Variants in HMGB2 observed in about 807,000 individuals in gnomAD.
HMGB2 encodes high mobility group box 2.
HMGB2 carries 2 observed loss-of-function variants against 23.0 expected under a neutral mutation model. The ratio of observed to expected loss-of-function variants is 0.09; its 90% CI spans 0.04 to 0.27. HMGB2 has a LOEUF of 0.27. Among genes scored for constraint, HMGB2 ranks in the 10% least tolerant of loss-of-function variants. The pLI, the probability that HMGB2 is intolerant of heterozygous loss-of-function variation, is 1.00. For synonymous variants in HMGB2, 99 were observed against 87.5 expected (o/e 1.13, Z -0.73); for missense variants, 178 against 256.5 (o/e 0.69, Z 2.09).
rs370312460 is a variant in HMGB2 at position 173,332,717 on chromosome 4, T to C, written c.471+104A>G. 3.0e-3 allele frequency: 3,078 copies of C among 1,035,630 alleles called. 22 individuals carry two copies. Among genetic ancestry groups the C allele is most frequent in the South Asian group, 0.013 (817 of 64,162 alleles). The allele number at this position is 1,035,630 out of a possible 1,614,324, so 64.2% of individuals were successfully genotyped here. A position where few individuals can be genotyped will look rare whatever the true frequency, so the allele number is the denominator to read the frequency against. ...ATTTTCATTAGGCCTTTTCAAAACA[T>C]AGCTGACAACCATTAATACAAGATT... On this transcript the variant is annotated intron_variant, in intron 4 of 4. Coordinates refer to ENST00000296503, the MANE Select transcript of HMGB2 (RefSeq NM_002129.4).
chr4:173,333,693 G>C lies in HMGB2; in HGVS notation c.-20-24C>G, dbSNP rs781521003. The C allele has an allele frequency of 6.5e-7, 1 of 1,547,596 alleles. No homozygotes were observed. Among genetic ancestry groups the C allele is most frequent in the South Asian group, 1.2e-5 (1 of 85,476 alleles). ...ACCTGACGGGGCCGAGGGGGGAGAG[G>C]GGAAGCCGGAGGGTCGGCGCGGAGC... On this transcript the variant is annotated intron_variant, in intron 1 of 4. Coordinates refer to ENST00000296503, the MANE Select transcript of HMGB2 (RefSeq NM_002129.4). This position sits in a 1 kb window ranked among gnomAD's most constrained non-coding sequence, Gnocchi z 4.6.
At chr4:173,332,323 T>A in intron 4 of HMGB2, 85 bp from the exon 5 acceptor site, 2 of 1,039,006 alleles carry the variant, frequency 1.9e-6, no homozygotes, top group Non-Finnish European at 2.8e-6. Context: ...CTAAGATGAT[T>A]GACCAATAAC....
chr4:173,333,196 TCTC>T lies in HMGB2; in HGVS notation c.166_168del (p.Glu56del), dbSNP rs746984191. 2 of 1,613,846 alleles carry T rather than the reference TCTC, an allele frequency of 1.2e-6. No homozygotes were observed. Among genetic ancestry groups the T allele is most frequent in the South Asian group, 1.1e-5 (1 of 91,060 alleles). ...TTTGCCATATCTTCAAACTTCGACT[TCTC>T]CTTTGCAGACATGGTCTGTGGACAT... On this transcript the variant is annotated inframe_deletion, in exon 3 of 5. Coordinates refer to ENST00000296503, the MANE Select transcript of HMGB2 (RefSeq NM_002129.4). The surrounding 1 kb of genome is among the most constrained non-coding windows in gnomAD (Gnocchi z 4.6).
Position 173,332,154 on chromosome 4 carries a change from C to G in HMGB2, c.556G>C (p.Glu186Gln). Reference sequence around the variant, plus strand: ...TCCTCCTCCTCCTCATCTTCTGGTTCGTTCTTCTTCTTTGAGCCTGTTGGC... The same window carrying G: ...TCCTCCTCCTCCTCATCTTCTGGTTGGTTCTTCTTCTTTGAGCCTGTTGGC... The part of the protein sequence containing the change: ...GRPTGSKKKN[E>Q]PEDEEEEEEE... Residue 186 changes from glutamate (E) to glutamine (Q), a missense_variant, in exon 5 of 5, where the codon GAA becomes CAA. Coordinates refer to ENST00000296503, the MANE Select transcript of HMGB2 (RefSeq NM_002129.4). The G allele has an allele frequency of 6.2e-7, 1 of 1,613,380 alleles. No homozygotes were observed. Among genetic ancestry groups the G allele is most frequent in the Non-Finnish European group, 8.5e-7 (1 of 1,179,456 alleles).
At position 173,333,847 on chromosome 4, in the gene HMGB2, C is replaced by G. The variant is rs963728093; in HGVS notation, c.-20-178G>C. 1.3e-5 allele frequency among the ~76,000 whole-genome samples: 2 copies of G among 151,474 alleles called. No homozygotes were observed. The highest frequency in any genetic ancestry group is 2.9e-5 in the Non-Finnish European group (2 of 67,814). On this transcript the variant is annotated intron_variant, in intron 1 of 4. Transcript: ENST00000296503. This position sits in a 1 kb window ranked among gnomAD's most constrained non-coding sequence, Gnocchi z 4.6. Reference sequence around the variant, plus strand: ...GCCGCCCGCGCCCCCGCCCGCGCCCCGGCGCACACCCTCCTCCTCCTCCTC... The same window carrying G: ...GCCGCCCGCGCCCCCGCCCGCGCCCGGGCGCACACCCTCCTCCTCCTCCTC...
Position 173,333,295 on chromosome 4 carries a change from G to T in HMGB2, c.151-81C>A. On this transcript the variant is annotated intron_variant, in intron 2 of 4. Coordinates refer to ENST00000296503, the MANE Select transcript of HMGB2 (RefSeq NM_002129.4). This position sits in a 1 kb window ranked among gnomAD's most constrained non-coding sequence, Gnocchi z 4.6. ...CAAAGACGACAAGATCATCTTTAAGGACCACATTTTCCTTAACAGCATTTT... is the reference window on the plus strand; with the variant it reads ...CAAAGACGACAAGATCATCTTTAAGTACCACATTTTCCTTAACAGCATTTT... 1 of 1,488,724 alleles carries T rather than the reference G, an allele frequency of 6.7e-7. No homozygotes were observed. The highest frequency in any genetic ancestry group is 9.1e-7 in the Non-Finnish European group (1 of 1,099,316). 92.2% of individuals were successfully genotyped at this position (1,488,724 alleles called of 1,614,324 possible).
Position 173,332,923 on chromosome 4 carries a change from C to T in HMGB2, c.369G>A (p.Gly123=), listed in dbSNP as rs1578934501. The change falls in exon 4 of 5, where the codon GGG becomes GGA. Residue 123 remains glycine, a synonymous_variant. Transcript: ENST00000296503. The part of the protein sequence containing the change: ...IKSEHPGLSI[G]DTAKKLGEMW... ...TTTCACCCAATTTCTTTGCAGTATC[C>T]CCAATGGATAGGCCAGGGTGTTCAC... The T allele has an allele frequency of 1.2e-6, 2 of 1,614,112 alleles. No homozygotes were observed. Among genetic ancestry groups the T allele is most frequent in the Non-Finnish European group, 1.7e-6 (2 of 1,180,022 alleles).
chr4:173,332,657 A>ATT (rs1362856240), intron 4 of HMGB2, 164 bp downstream of exon 4: 3 of 653,462 alleles, frequency 4.6e-6, no homozygotes, highest in Non-Finnish European at 8.1e-6. Context: ...TTCAGTCAAA[A>ATT]GGAAGGTTTC....
At position 173,333,229 on chromosome 4, in the gene HMGB2, T is replaced by C. The variant is rs764527345; in HGVS notation, c.151-15A>G. ...GCAGACATGGTCTGTGGACATAAAA[T>C]AAGAGCCAAAAATACAGCAAAATTG... On this transcript the variant is annotated splice_polypyrimidine_tract_variant and intron_variant, in intron 2 of 4. Transcript: ENST00000296503. This position sits in a 1 kb window ranked among gnomAD's most constrained non-coding sequence, Gnocchi z 4.6. 5.0e-6 allele frequency: 8 copies of C among 1,603,088 alleles called. No individual in the cohort carries two copies. In the African/African-American group the frequency reaches 9.5e-5, roughly 19 times the overall value.
rs758411528 is a variant in HMGB2 at position 173,333,605 on chromosome 4, C to G, written c.45G>C (p.Ser15=). The change falls in exon 2 of 5, where the codon TCG becomes TCC. Residue 15 remains serine, a synonymous_variant. Transcript: ENST00000296503. This position sits in a 1 kb window ranked among gnomAD's most constrained non-coding sequence, Gnocchi z 4.6. ...GGCAGGTCTGCACGAAGAAGGCGTA[C>G]GAGGACATTTTGCCCCGCGGCTTGT... The part of the protein sequence containing the change: ...DPNKPRGKMS[S]YAFFVQTCRE... The G allele has an allele frequency of 4.3e-6, 7 of 1,614,112 alleles. No homozygotes were observed. Among genetic ancestry groups the G allele is most frequent in the East Asian group, 4.5e-5 (2 of 44,868 alleles).
intron 4 of HMGB2, 91 bp from the exon 5 acceptor site, chr4:173,332,329 A>C: frequency 1.1e-6 from 1 of 923,614 alleles, no homozygotes; most frequent in Non-Finnish European, 1.6e-6. Flanking sequence ...TGATTGACCA[A>C]TAACCCTAAT....
At position 173,331,765 on chromosome 4, in the gene HMGB2, C is replaced by T. The variant is rs1020746277; in HGVS notation, c.*315G>A. ...ACGAAATGCAACATCCTAAAAAACC[C>T]AAAATTTACTATTGATACTAATTCC... On this transcript the variant is annotated 3_prime_UTR_variant, in exon 5 of 5. Coordinates refer to ENST00000296503, the MANE Select transcript of HMGB2 (RefSeq NM_002129.4). 5 of 225,044 alleles carry T rather than the reference C, an allele frequency of 2.2e-5. No homozygotes were observed. Among genetic ancestry groups the T allele is most frequent in the African/African-American group, 1.1e-4 (5 of 43,900 alleles). The allele number at this position is 225,044 out of a possible 1,614,324, so 13.9% of individuals were successfully genotyped here. A position where few individuals can be genotyped will look rare whatever the true frequency, so the allele number is the denominator to read the frequency against.
Position 173,333,088 on chromosome 4 carries a change from TG to T in HMGB2, c.276del (p.Asn93MetfsTer59). 6.2e-7 allele frequency: 1 copy of T among 1,613,924 alleles called. No homozygotes were observed. The highest frequency in any genetic ancestry group is 8.5e-7 in the Non-Finnish European group (1 of 1,179,962). ...ACTTACGGTGGCCTTTTAGGAGCATTGGGGTCCTTTTTCTTCCCCTTCTTAT... is the reference window on the plus strand; with the variant it reads ...ACTTACGGTGGCCTTTTAGGAGCATTGGGTCCTTTTTCTTCCCCTTCTTAT... ...KGDKKGKKKD[P>X]NAPKRPPSAF... On this transcript the variant is annotated frameshift_variant, in exon 3 of 5. Coordinates refer to ENST00000296503, the MANE Select transcript of HMGB2 (RefSeq NM_002129.4). LOFTEE classifies it high-confidence loss of function. This position sits in a 1 kb window ranked among gnomAD's most constrained non-coding sequence, Gnocchi z 4.6.
Position 173,333,441 on chromosome 4 carries a change from G to T in HMGB2, c.150+59C>A. The T allele has an allele frequency of 6.4e-7, 1 of 1,569,390 alleles. No individual in the cohort carries two copies. Among genetic ancestry groups the T allele is most frequent in the Non-Finnish European group, 8.7e-7 (1 of 1,155,246 alleles). On this transcript the variant is annotated intron_variant, in intron 2 of 4. Coordinates refer to ENST00000296503, the MANE Select transcript of HMGB2 (RefSeq NM_002129.4). This position sits in a 1 kb window ranked among gnomAD's most constrained non-coding sequence, Gnocchi z 4.6. ...ATGAGTTGCCTACTACCTGCCTAAG[G>T]CCCTCCTAGCCGAAAACCACACCTG...
In HMGB2 at chr4:173,332,342, C is replaced by T. The variant is rs996588569; in HGVS notation, c.472-104G>A. On this transcript the variant is annotated intron_variant, in intron 4 of 4. Transcript: ENST00000296503. ...GATGATTGACCAATAACCCTAATAACTGTCTAAAAAGGTAACCAGTCTAAG... is the reference window on the plus strand; with the variant it reads ...GATGATTGACCAATAACCCTAATAATTGTCTAAAAAGGTAACCAGTCTAAG... The T allele has an allele frequency of 4.6e-6, 4 of 870,874 alleles. No individual in the cohort carries two copies. The African/African-American group carries it at 5.1e-5, about 11-fold the overall frequency. The allele number at this position is 870,874 out of a possible 1,614,324, so 53.9% of individuals were successfully genotyped here.
chr4:173,333,478 C>G lies in HMGB2; in HGVS notation c.150+22G>C. The G allele has an allele frequency of 6.2e-7, 1 of 1,606,946 alleles. No individual in the cohort carries two copies. The highest frequency in any genetic ancestry group is 8.5e-7 in the Non-Finnish European group (1 of 1,175,826). On this transcript the variant is annotated intron_variant, in intron 2 of 4. Coordinates refer to ENST00000296503, the MANE Select transcript of HMGB2 (RefSeq NM_002129.4). This position sits in a 1 kb window ranked among gnomAD's most constrained non-coding sequence, Gnocchi z 4.6. ...GAAAACCACACCTGCACCCCCTGAG[C>G]TCCGTCCCTCTCCTGCCTCACCTTC...
At position 173,332,980 on chromosome 4, in the gene HMGB2, C is replaced by A; in HGVS notation, c.312G>T (p.Leu104=). 1 of 1,614,112 alleles carries A rather than the reference C, an allele frequency of 6.2e-7. No homozygotes were observed. Among genetic ancestry groups the A allele is most frequent in the Non-Finnish European group, 8.5e-7 (1 of 1,179,986 alleles). The change falls in exon 4 of 5, where the codon CTG becomes CTT. Residue 104 remains leucine (L), a synonymous_variant. Transcript: ENST00000296503. The stretch of plus-strand genomic sequence containing the variant: ...TCTTTGGGCGATGTTCAGAGCAAAA[C>A]AGGAAGAAGGCAGATCTGAAAGGAA... ...APKRPPSAFF[L]FCSEHRPKIK...
intron 4 of HMGB2, 95 bp from the exon 5 acceptor site, chr4:173,332,333 C>T: frequency 1.1e-6 from 1 of 925,768 alleles, no homozygotes; most frequent in Non-Finnish European, 1.6e-6. Flanking sequence ...TGACCAATAA[C>T]CCTAATAACT....
Position 173,334,350 on chromosome 4 carries a change from A to T in HMGB2, c.-99T>A, listed in dbSNP as rs923445295. 1 of 152,308 alleles carries T rather than the reference A, an allele frequency of 6.6e-6. No individual in the cohort carries two copies. Among genetic ancestry groups the T allele is most frequent in the African/African-American group, 2.4e-5 (1 of 41,434 alleles). The allele number at this position is 152,308 out of a possible 1,614,324, so 9.4% of individuals were successfully genotyped here. A position where few individuals can be genotyped will look rare whatever the true frequency, so the allele number is the denominator to read the frequency against. ...GCTTCCCTCACGGGGCTCCGGCGTG[A>T]ACTGGTTTATCTCTAACGCAATCCT... On this transcript the variant is annotated 5_prime_UTR_variant, in exon 1 of 5. Transcript: ENST00000296503.
Sources: gnomAD v4.1 joint callset for allele counts (sites outside exome capture counted in the v4.1 genomes callset) on GRCh38, gnomAD v4.1.1 for gene constraint, Gnocchi (gnomAD v3.1) non-coding constraint, MANE v1.5 for transcripts, NCBI Gene and HGNC (gene_info 2026-07-23, HGNC 2026-07-21) for gene names.